The following EPS15 variants were observed in gnomAD, a reference collection of about 807,000 sequenced individuals.
EPS15 encodes epidermal growth factor receptor pathway substrate 15.
EPS15 carries 72 observed loss-of-function variants against 113.8 expected under a neutral mutation model. That is an observed-to-expected ratio of 0.63 (90% CI 0.52 to 0.77). The LOEUF (loss-of-function observed/expected upper bound fraction) is 0.77. Among genes scored for constraint, EPS15 ranks in the 30% least tolerant of loss-of-function variants. The probability of loss-of-function intolerance (pLI) is 0.00; values close to 1 mark genes in which losing one functional copy is unlikely to be tolerated. For synonymous variants in EPS15, 344 were observed against 363.4 expected (o/e 0.95, Z 0.61); for missense variants, 1,048 against 1,045.8 (o/e 1.00, Z -0.03).
At chr1:51,454,523 C>T (rs937580646) in intron 8 of EPS15, among the ~76,000 whole-genome samples, 2 of 152,182 alleles carry the variant, frequency 1.3e-5, no homozygotes, top group African/African-American at 2.4e-5. Context: ...ATTACGCCTC[C>T]GTGTTATTCT....
chr1:51,378,887 T>G (rs543945943), intron 21 of EPS15, among the ~76,000 whole-genome samples: 2 of 152,158 alleles, frequency 1.3e-5, no homozygotes, highest in South Asian at 4.2e-4. Flanking sequence ...ACACTAATCT[T>G]TATACCGGAA....
chr1:51,468,698 G>A (rs770279015), intron 4 of EPS15, 130 bp from the exon 5 acceptor site: 5 of 618,466 alleles, frequency 8.1e-6, no homozygotes, highest in Non-Finnish European at 1.4e-5. Context: ...GCAACAAGTA[G>A]CATATTTGCT....
chr1:51,355,374 A>C lies in EPS15; in HGVS notation c.*1326T>G, dbSNP rs1802598. 8,691 of 208,002 alleles carry C rather than the reference A, an allele frequency of 0.042. 732 individuals are homozygous for C. Among genetic ancestry groups the C allele is most frequent in the African/African-American group, 0.18 (7,880 of 43,922 alleles). 12.9% of individuals were successfully genotyped at this position (208,002 alleles called of 1,614,324 possible). On this transcript the variant is annotated 3_prime_UTR_variant, in exon 25 of 25. Transcript: ENST00000371733. ...TGCATTTTTCTTTATCTTGGTATTTAATACATCATCTAAGTCAGTAACCGT... is the reference window on the plus strand; with the variant it reads ...TGCATTTTTCTTTATCTTGGTATTTCATACATCATCTAAGTCAGTAACCGT...
At chr1:51,407,919 C>G (rs1449361696) in intron 15 of EPS15, among the ~76,000 whole-genome samples, 3 of 152,154 alleles carry the variant, frequency 2.0e-5, no homozygotes, top group Non-Finnish European at 2.9e-5. Context: ...AGCCCACACT[C>G]TTAATCACTA....
chr1:51,355,618 C>T lies in EPS15; in HGVS notation c.*1082G>A, dbSNP rs969712917. 1.7e-4 allele frequency: 32 copies of T among 189,152 alleles called. 1 individual carries two copies. The highest frequency in any genetic ancestry group is 7.6e-4 in the African/African-American group (32 of 42,324). 11.7% of individuals were successfully genotyped at this position (189,152 alleles called of 1,614,324 possible). ...TGAAGTGAGTAAATAAACTAAACCACAAAGATGGACAAAAAGCAATATGAT... is the reference window on the plus strand; with the variant it reads ...TGAAGTGAGTAAATAAACTAAACCATAAAGATGGACAAAAAGCAATATGAT... On this transcript the variant is annotated 3_prime_UTR_variant, in exon 25 of 25. Transcript: ENST00000371733.
At chr1:51,488,472 TAAAAAAAA>T (rs71063033) in intron 1 of EPS15, among the ~76,000 whole-genome samples, 3 of 85,312 alleles carry the variant, frequency 3.5e-5, no homozygotes, top group South Asian at 7.9e-4. Flanking sequence ...TAAAGTTTTG[TAAAAAAAA>T]AAAAAAAAAA....
intron 16 of EPS15, among the ~76,000 whole-genome samples, chr1:51,404,449 TA>T (rs1200117636): frequency 1.3e-5 from 2 of 152,144 alleles, no homozygotes; most frequent in African/African-American, 4.8e-5. Context: ...GATAACCTAG[TA>T]ATCTGCCTTT....
At chr1:51,517,298 GCTA>G (rs1293426972) in intron 1 of EPS15, among the ~76,000 whole-genome samples, 1 of 152,124 alleles carries the variant, frequency 6.6e-6, no homozygotes, top group African/African-American at 2.4e-5. Flanking sequence ...AAGGATAATA[GCTA>G]CTACTGATTC....
At chr1:51,463,618 T>TA (rs1345766602) in intron 7 of EPS15, 55 bp downstream of exon 7, 1 of 1,011,506 alleles carries the variant, frequency 9.9e-7, no homozygotes, top group Non-Finnish European at 1.5e-6. Flanking sequence ...CCTGGCATAA[T>TA]AGATATAAAA....
chr1:51,434,795 C>A (rs1652009982), intron 12 of EPS15, among the ~76,000 whole-genome samples: 1 of 152,174 alleles, frequency 6.6e-6, no homozygotes, highest in South Asian at 2.1e-4. Flanking sequence ...CCTCAGCCTC[C>A]TGAGTAACTG....
chr1:51,371,672 T>C (rs1646658472), intron 21 of EPS15, among the ~76,000 whole-genome samples: 1 of 152,184 alleles, frequency 6.6e-6, no homozygotes, highest in Non-Finnish European at 1.5e-5. Flanking sequence ...AAAGTTACAG[T>C]AAGATAAGGT....
At chr1:51,429,149 C>G (rs961911601) in intron 12 of EPS15, among the ~76,000 whole-genome samples, 1 of 152,120 alleles carries the variant, frequency 6.6e-6, no homozygotes. Context: ...GGATTACAGG[C>G]GTGAGCCACC....
chr1:51,384,781 GA>G (rs1266771475), intron 21 of EPS15, among the ~76,000 whole-genome samples: 1 of 152,132 alleles, frequency 6.6e-6, no homozygotes, highest in Non-Finnish European at 1.5e-5. Flanking sequence ...ACAGAATCCA[GA>G]AATAAACCCT....
At chr1:51,476,799 G>A (rs1643914198) in intron 2 of EPS15, among the ~76,000 whole-genome samples, 2 of 152,150 alleles carry the variant, frequency 1.3e-5, no homozygotes, top group South Asian at 4.1e-4. Context: ...TCCCAGGGAT[G>A]AAACCCATTT....
chr1:51,446,260 T>C (rs143223438), intron 10 of EPS15, among the ~76,000 whole-genome samples: 1 of 152,348 alleles, frequency 6.6e-6, no homozygotes, highest in Non-Finnish European at 1.5e-5. Flanking sequence ...AAGGACCAAG[T>C]ATGTTATTCC....
rs748845881 is a variant in EPS15 at position 51,460,981 on chromosome 1, A to G, written c.561+110T>C. ...AAAGAAAAAAAAAAAAAGTTCACCC[A>G]ATAATCTGATGAGAATATAGTTTTC... On this transcript the variant is annotated intron_variant, in intron 8 of 24. Coordinates refer to ENST00000371733, the MANE Select transcript of EPS15 (RefSeq NM_001981.3). 7.8e-5 allele frequency: 57 copies of G among 728,294 alleles called. No homozygotes were observed. In the East Asian group the frequency reaches 8.4e-4, roughly 11 times the overall value. The allele number at this position is 728,294 out of a possible 1,614,324, so 45.1% of individuals were successfully genotyped here.
At chr1:51,408,670 A>T (rs147859793) in intron 14 of EPS15, among the ~76,000 whole-genome samples, 8,057 of 152,084 alleles carry the variant, frequency 0.053, 691 homozygotes, top group African/African-American at 0.18. Flanking sequence ...CCCAGGCTGG[A>T]GTGCAATGGC....
At chr1:51,391,962 G>GTGA (rs1456605787) in intron 21 of EPS15, among the ~76,000 whole-genome samples, 8 of 152,112 alleles carry the variant, frequency 5.3e-5, no homozygotes, top group Non-Finnish European at 1.0e-4. Flanking sequence ...ATGAGCCTGG[G>GTGA]GTTCAGGAAA....
intron 12 of EPS15, 119 bp from the exon 13 acceptor site, chr1:51,421,977 A>C (rs563149481): frequency 3.1e-5 from 44 of 1,427,814 alleles, no homozygotes; most frequent in Non-Finnish European, 2.6e-5. Context: ...TCAATTTTTA[A>C]ATGAAGGGCA....
Sources: gnomAD v4.1 joint callset for allele counts (sites outside exome capture counted in the v4.1 genomes callset) on GRCh38, gnomAD v4.1.1 for gene constraint, MANE v1.5 for transcripts, NCBI Gene and HGNC (gene_info 2026-07-23, HGNC 2026-07-21) for gene names.